LRRC7: variants seen among roughly 807,000 people sequenced by gnomAD.
The protein encoded by LRRC7 is leucine rich repeat containing 7, also known as leucine-rich repeat-containing protein 7.
Under a neutral mutation model 175.7 loss-of-function variants are expected in LRRC7, and 23 were observed. That is an observed-to-expected ratio of 0.13 (90% CI 0.09 to 0.19). LRRC7 has a LOEUF of 0.19. LRRC7 is among the 10% of genes least tolerant of loss of function. LRRC7 has a pLI of 1.00. For synonymous variants in LRRC7, 685 were observed against 680.9 expected (o/e 1.01, Z -0.09); for missense variants, 1,354 against 1,904.7 (o/e 0.71, Z 5.38).
chr1:70,091,675 C>T (rs920068402), intron 25 of LRRC7, among the ~76,000 whole-genome samples: 9 of 152,160 alleles, frequency 5.9e-5, no homozygotes, highest in African/African-American at 1.9e-4. Context: ...AATATGAACA[C>T]TTTATAGCTA....
At chr1:70,016,669 ATT>A in intron 14 of LRRC7, 135 bp downstream of exon 14, 1 of 646,600 alleles carries the variant, frequency 1.5e-6, no homozygotes, top group Non-Finnish European at 2.4e-6. Context: ...GAAAGAGAGA[ATT>A]TTGTAAAGAT....
chr1:69,576,106 C>T (rs531698793), intron 1 of LRRC7, among the ~76,000 whole-genome samples: 1 of 149,858 alleles, frequency 6.7e-6, no homozygotes, highest in African/African-American at 2.5e-5. Context: ...GTGGTGCTCA[C>T]CTGTAGTCCC....
Position 70,076,262 on chromosome 1 carries a change from T to G in LRRC7, c.4416T>G (p.Thr1472=), listed in dbSNP as rs1466484051. 4.3e-6 allele frequency: 7 copies of G among 1,613,904 alleles called. No homozygotes were observed. The highest frequency in any genetic ancestry group is 1.7e-5 in the Admixed American group (1 of 59,984). The change falls in exon 24 of 27, where the codon ACT becomes ACG. Residue 1472 remains threonine (T), a synonymous_variant. Transcript: ENST00000651989. ...GPQPGRCLIQ[T]KGQRSMDGYP... ...AGCCTGGACGGTGCTTAATTCAAAC[T>G]AAAGGGCAAAGGAGTATGGATGGAT...
intron 2 of LRRC7, among the ~76,000 whole-genome samples, chr1:69,699,456 C>T (rs572211764): frequency 8.8e-4 from 134 of 152,236 alleles, no homozygotes; most frequent in African/African-American, 3.0e-3. Context: ...AGGAGAATCA[C>T]TTGAACCCGG....
chr1:69,986,498 A>C (rs1233481510), intron 10 of LRRC7, 112 bp downstream of exon 10: 3 of 767,642 alleles, frequency 3.9e-6, no homozygotes, highest in Non-Finnish European at 5.6e-6. Flanking sequence ...TGATGTTAAT[A>C]AATTTTAAAA....
chr1:69,743,285 G>A (rs1668904103), intron 2 of LRRC7, among the ~76,000 whole-genome samples: 1 of 152,004 alleles, frequency 6.6e-6, no homozygotes, highest in South Asian at 2.1e-4. Flanking sequence ...AAAGAAGAGA[G>A]TAACTTACAT....
intron 4 of LRRC7, among the ~76,000 whole-genome samples, chr1:69,806,281 T>C (rs1159121695): frequency 6.6e-6 from 1 of 151,912 alleles, no homozygotes; most frequent in East Asian, 1.9e-4. Context: ...ACTCAATGTG[T>C]TTGTTGTTGA....
intron 2 of LRRC7, among the ~76,000 whole-genome samples, chr1:69,746,442 C>T (rs1028681756): frequency 1.3e-5 from 2 of 151,976 alleles, no homozygotes; most frequent in Non-Finnish European, 2.9e-5. Flanking sequence ...TGTGGAATCA[C>T]ATGTTTTTTA....
chr1:69,933,531 C>T (rs943436797), intron 8 of LRRC7, among the ~76,000 whole-genome samples: 10 of 152,024 alleles, frequency 6.6e-5, no homozygotes, highest in Admixed American at 5.9e-4. Context: ...ATGGAGGGTA[C>T]CTTTGGGTCT....
chr1:70,052,812 A>G (rs1041798046), intron 22 of LRRC7, among the ~76,000 whole-genome samples: 2 of 152,086 alleles, frequency 1.3e-5, no homozygotes, highest in African/African-American at 4.8e-5. Flanking sequence ...CAACTCTAAG[A>G]TGGTTATTTT....
chr1:69,597,935 A>G lies in LRRC7; in HGVS notation c.2+29294A>G, dbSNP rs543373101. Among the ~76,000 whole-genome samples the G allele has an allele frequency of 3.3e-5, 5 of 152,336 alleles. No individual in the cohort carries two copies. The South Asian group carries it at 1.0e-3, about 32-fold the overall frequency. ...TAGTAATAGAAAATAGGGAGAGTGG[A>G]AACAAGAAAGACTCAACTACCTTTC... is the stretch of plus-strand genomic sequence containing the variant. On this transcript the variant is annotated intron_variant, in intron 1 of 26. Transcript: ENST00000651989.
At chr1:69,766,160 C>T (rs1384138717) in intron 3 of LRRC7, among the ~76,000 whole-genome samples, 2 of 152,018 alleles carry the variant, frequency 1.3e-5, no homozygotes, top group African/African-American at 4.8e-5. Context: ...TTGTGTTTCC[C>T]CCAGCAGTCA....
intron 4 of LRRC7, among the ~76,000 whole-genome samples, chr1:69,811,948 A>T (rs779732246): frequency 1.3e-5 from 2 of 152,112 alleles, no homozygotes; most frequent in Non-Finnish European, 2.9e-5. Flanking sequence ...GAGTACAAAG[A>T]CTATGAACTA....
chr1:69,867,164 A>G (rs1404396928), intron 7 of LRRC7, among the ~76,000 whole-genome samples: 1 of 152,134 alleles, frequency 6.6e-6, no homozygotes, highest in Non-Finnish European at 1.5e-5. Flanking sequence ...CTCTTTTAAT[A>G]TTCTTCCTAC....
At chr1:69,922,966 C>A (rs996109405) in intron 7 of LRRC7, among the ~76,000 whole-genome samples, 17 of 151,970 alleles carry the variant, frequency 1.1e-4, no homozygotes, top group East Asian at 3.9e-4. Context: ...ATCCCTCCCC[C>A]CTCCTGCCAC....
intron 1 of LRRC7, among the ~76,000 whole-genome samples, chr1:69,673,854 C>T (rs1031018704): frequency 1.4e-4 from 21 of 151,978 alleles, no homozygotes; most frequent in African/African-American, 5.1e-4. Flanking sequence ...CCCCAGTTAT[C>T]TTTTTGGCAG....
intron 1 of LRRC7, among the ~76,000 whole-genome samples, chr1:69,610,611 A>C (rs1648554256): frequency 6.6e-6 from 1 of 151,980 alleles, no homozygotes; most frequent in Admixed American, 6.6e-5. Flanking sequence ...GCTGTTGTGG[A>C]AAAATAAATA....
intron 25 of LRRC7, among the ~76,000 whole-genome samples, chr1:70,095,276 T>A (rs955226450): frequency 1.3e-5 from 2 of 152,166 alleles, no homozygotes; most frequent in African/African-American, 4.8e-5. Context: ...ATATATAAAA[T>A]GATTTTTAAA....
intron 2 of LRRC7, among the ~76,000 whole-genome samples, chr1:69,684,824 C>T (rs1451234115): frequency 6.6e-6 from 1 of 152,170 alleles, no homozygotes; most frequent in African/African-American, 2.4e-5. Context: ...GGAAGAGAGC[C>T]ACCGATATCT....
Sources: allele counts gnomAD v4.1 joint callset (sites outside exome capture counted in the v4.1 genomes callset), GRCh38; gene constraint gnomAD v4.1.1; transcripts MANE v1.5; gene names NCBI Gene and HGNC (gene_info 2026-07-23, HGNC 2026-07-21).